Variants in FMN2 observed in about 807,000 individuals in gnomAD.
The protein encoded by FMN2 is formin-2.
Under a neutral mutation model 142.3 loss-of-function variants are expected in FMN2, and 51 were observed. The observed-to-expected ratio is 0.36, with a 90% confidence interval of 0.29 to 0.45. FMN2 has a LOEUF of 0.45. FMN2 is among the 20% of genes least tolerant of loss of function. The pLI is 1.00. For missense variants in FMN2, 1,936 were observed against 2,122.8 expected (o/e 0.91, Z 1.73); for synonymous variants, 882 against 869.8 (o/e 1.01, Z -0.25).
chr1:240,279,037 T>C (rs1272546051), intron 7 of FMN2, among the ~76,000 whole-genome samples: 1 of 152,150 alleles, frequency 6.6e-6, no homozygotes, highest in East Asian at 1.9e-4. Flanking sequence ...TTGTTCTAGT[T>C]GGGCAGTGGG....
intron 14 of FMN2, among the ~76,000 whole-genome samples, chr1:240,373,233 A>T (rs149328600): frequency 1.3e-3 from 205 of 152,250 alleles, no homozygotes; most frequent in Admixed American, 2.3e-3. Flanking sequence ...GCAAGTTGTG[A>T]TCTTTTTTCT....
At chr1:240,280,141 C>A (rs953142715) in intron 7 of FMN2, among the ~76,000 whole-genome samples, 2 of 151,870 alleles carry the variant, frequency 1.3e-5, no homozygotes, top group South Asian at 4.1e-4. Context: ...TTTTAGTGAC[C>A]AAACTTCTTA....
chr1:240,384,769 A>T (rs9661599), intron 14 of FMN2, among the ~76,000 whole-genome samples: 78,820 of 151,998 alleles, frequency 0.52, 21,134 homozygotes, highest in East Asian at 0.66. Context: ...TCTGGAATCT[A>T]AATCAAGTTT....
intron 8 of FMN2, among the ~76,000 whole-genome samples, chr1:240,304,147 T>C (rs973539175): frequency 1.3e-5 from 2 of 152,220 alleles, no homozygotes; most frequent in Admixed American, 6.5e-5. Flanking sequence ...CCTTTGTCTT[T>C]ACTCTGCCAT....
At chr1:240,336,553 C>CG (rs1671563762) in intron 13 of FMN2, among the ~76,000 whole-genome samples, 1 of 50,492 alleles carries the variant, frequency 2.0e-5, no homozygotes, top group African/African-American at 4.9e-5. Flanking sequence ...TGGTATTCTC[C>CG]AAAAAAAAAA....
chr1:240,312,844 A>G (rs1363771044), intron 8 of FMN2, among the ~76,000 whole-genome samples: 1 of 152,186 alleles, frequency 6.6e-6, no homozygotes, highest in Non-Finnish European at 1.5e-5. Flanking sequence ...GCACTTCTCG[A>G]ACTGATCAGA....
chr1:240,347,367 A>C (rs6429202), intron 13 of FMN2, among the ~76,000 whole-genome samples: 3,160 of 152,230 alleles, frequency 0.021, 139 homozygotes, highest in African/African-American at 0.072. Context: ...ATGCATTTTC[A>C]TTCCTCTGAA....
chr1:240,414,002 A>C (rs1228405286), intron 15 of FMN2, among the ~76,000 whole-genome samples: 2 of 152,236 alleles, frequency 1.3e-5, no homozygotes, highest in African/African-American at 4.8e-5. Flanking sequence ...ACAGAGATTT[A>C]TCCAAGCACT....
At chr1:240,395,201 C>A (rs1673734527) in intron 15 of FMN2, among the ~76,000 whole-genome samples, 1 of 152,096 alleles carries the variant, frequency 6.6e-6, no homozygotes, top group African/African-American at 2.4e-5. Flanking sequence ...ATATTTTAAA[C>A]CCATTGCTGA....
intron 2 of FMN2, 109 bp from the exon 3 acceptor site, chr1:240,177,812 T>C (rs1664981174): frequency 1.1e-6 from 1 of 900,034 alleles, no homozygotes; most frequent in Admixed American, 3.6e-5. Context: ...CATATATGTA[T>C]GCATATATAA....
At chr1:240,159,258 GTTTAAAGTGAGCTGC>G (rs1443411620) in intron 2 of FMN2, among the ~76,000 whole-genome samples, 1 of 151,984 alleles carries the variant, frequency 6.6e-6, no homozygotes, top group Non-Finnish European at 1.5e-5. Flanking sequence ...ATACGCTGGG[GTTTAAAGTGAGCTGC>G]TTTAGCCTCA....
chr1:240,261,303 T>C (rs1169913834), intron 7 of FMN2, among the ~76,000 whole-genome samples: 1 of 152,128 alleles, frequency 6.6e-6, no homozygotes, highest in Non-Finnish European at 1.5e-5. Flanking sequence ...ACGCAGCTCA[T>C]TAATGAAATG....
rs574065029 is a variant in FMN2, at chr1:240,447,564, G to A, written c.5060+9354G>A. Among the ~76,000 whole-genome samples, 26 of 152,322 alleles carry A rather than the reference G, an allele frequency of 1.7e-4. No individual in the cohort carries two copies. In the South Asian group the frequency reaches 5.4e-3, roughly 32 times the overall value. ...AACAAGTGTTGCAGATGATGAGAAT[G>A]TACGGAACTCTCATACTTTGCTGGT... On this transcript the variant is annotated intron_variant, in intron 16 of 17. Coordinates refer to ENST00000319653, the MANE Select transcript of FMN2 (RefSeq NM_020066.5).
At chr1:240,290,779 G>GTT (rs1669752706) in intron 7 of FMN2, among the ~76,000 whole-genome samples, 1 of 112,502 alleles carries the variant, frequency 8.9e-6, no homozygotes, top group Non-Finnish European at 1.8e-5. Context: ...CTGTTTGTTT[G>GTT]GTTTTTTTTT....
intron 14 of FMN2, among the ~76,000 whole-genome samples, chr1:240,386,789 T>C (rs1333996631): frequency 1.3e-5 from 2 of 152,182 alleles, no homozygotes; most frequent in African/African-American, 2.4e-5. Flanking sequence ...TCATGTTCAG[T>C]GGCACAGGAC....
chr1:240,134,614 G>C (rs1407849171), intron 2 of FMN2, among the ~76,000 whole-genome samples: 3 of 151,968 alleles, frequency 2.0e-5, no homozygotes, highest in Non-Finnish European at 2.9e-5. Flanking sequence ...GTGAGACCCT[G>C]TCCCACCAAA....
intron 2 of FMN2, among the ~76,000 whole-genome samples, chr1:240,168,941 G>C (rs1484463293): frequency 6.6e-6 from 1 of 152,106 alleles, no homozygotes; most frequent in African/African-American, 2.4e-5. Flanking sequence ...GGCCAGGTGT[G>C]GTGGCTCATG....
chr1:240,395,393 T>C (rs1325603891), intron 15 of FMN2, among the ~76,000 whole-genome samples: 1 of 152,178 alleles, frequency 6.6e-6, no homozygotes, highest in African/African-American at 2.4e-5. Context: ...TTTCAAGTCT[T>C]ATTAGTTAAG....
At chr1:240,107,150 G>A (rs1661645244) in intron 1 of FMN2, among the ~76,000 whole-genome samples, 1 of 151,990 alleles carries the variant, frequency 6.6e-6, no homozygotes, top group African/African-American at 2.4e-5. Flanking sequence ...GTCAGCATAA[G>A]GGAAGCCATC....
Sources: allele counts gnomAD v4.1 joint callset (sites outside exome capture counted in the v4.1 genomes callset), GRCh38; gene constraint gnomAD v4.1.1; transcripts MANE v1.5; gene names NCBI Gene and HGNC (gene_info 2026-07-23, HGNC 2026-07-21).